Variants in RDH10 observed in about 807,000 individuals in gnomAD.
The protein encoded by RDH10 is retinol dehydrogenase 10 (all-trans).
RDH10 carries 12 observed loss-of-function variants against 30.2 expected under a neutral mutation model. The ratio of observed to expected loss-of-function variants is 0.40; its 90% CI spans 0.25 to 0.64. RDH10 has a LOEUF of 0.64. RDH10 is among the 30% of genes least tolerant of loss of function. The probability of loss-of-function intolerance (pLI) is 0.43; values close to 1 mark genes in which losing one functional copy is unlikely to be tolerated. For synonymous variants in RDH10, 189 were observed against 172.2 expected (o/e 1.10, Z -0.76); for missense variants, 268 against 445.2 (o/e 0.60, Z 3.58).
Position 73,297,442 on chromosome 8 carries a change from A to C in RDH10, c.525+13A>C. 6.4e-7 allele frequency: 1 copy of C among 1,567,106 alleles called. No homozygotes were observed. The highest frequency in any genetic ancestry group is 8.8e-7 in the Non-Finnish European group (1 of 1,137,304). Reference sequence around the variant, plus strand: ...TGCACACTTCTGGGTAAATATAAACATCCTTGTTTTCTTTGCTGGGCCCTC... The same window carrying C: ...TGCACACTTCTGGGTAAATATAAACCTCCTTGTTTTCTTTGCTGGGCCCTC... On this transcript the variant is annotated intron_variant, in intron 2 of 5. Coordinates refer to ENST00000240285, the MANE Select transcript of RDH10 (RefSeq NM_172037.5).
chr8:73,306,734 G>C (rs1814471706), intron 2 of RDH10, among the ~76,000 whole-genome samples: 1 of 152,124 alleles, frequency 6.6e-6, no homozygotes, highest in Non-Finnish European at 1.5e-5. Context: ...GTATTTTTTG[G>C]TTTGGAAAAA....
chr8:73,298,988 A>G (rs1331807441), intron 2 of RDH10, among the ~76,000 whole-genome samples: 1 of 151,874 alleles, frequency 6.6e-6, no homozygotes, highest in Non-Finnish European at 1.5e-5. Context: ...CTAATTTTGT[A>G]TTTTTAGTAG....
In RDH10 at chr8:73,325,005, A is replaced by AAAGAAG. The variant is rs1409128359; in HGVS notation, c.*1970_*1975dup. On this transcript the variant is annotated 3_prime_UTR_variant, in exon 6 of 6. Coordinates refer to ENST00000240285, the MANE Select transcript of RDH10 (RefSeq NM_172037.5). ...CCTCTTAATTTTCAATCATGGACCT[A>AAAGAAG]AAGAAGTACTCTGAAGGGTCTCAAC... 2.2e-4 allele frequency: 33 copies of AAAGAAG among 152,326 alleles called. No homozygotes were observed. The highest frequency in any genetic ancestry group is 7.9e-4 in the African/African-American group (33 of 41,574). The allele number at this position is 152,326 out of a possible 1,614,324, so 9.4% of individuals were successfully genotyped here.
intron 2 of RDH10, chr8:73,315,750 G>A: frequency 3.7e-6 from 1 of 273,128 alleles, no homozygotes. Context: ...AGGTAACCAA[G>A]TAGCAGGTTC....
chr8:73,322,000 TCTTATGTA>T (rs771656890), intron 4 of RDH10: 11 of 456,260 alleles, frequency 2.4e-5, no homozygotes, highest in South Asian at 1.5e-4. Context: ...TTTGTTTTCC[TCTTATGTA>T]CTTGGGAAGC....
intron 2 of RDH10, among the ~76,000 whole-genome samples, chr8:73,317,916 T>G (rs1814701317): frequency 3.1e-5 from 3 of 96,874 alleles, no homozygotes; most frequent in South Asian, 3.8e-4. Flanking sequence ...CAAAACCCTG[T>G]CCCCCACCCC....
intron 2 of RDH10, among the ~76,000 whole-genome samples, chr8:73,301,700 G>C (rs1156373247): frequency 6.6e-6 from 1 of 152,186 alleles, no homozygotes. Context: ...AAGTTGCAGT[G>C]AGCAGACATG....
intron 3 of RDH10, 27 bp downstream of exon 3, chr8:73,319,221 C>T (rs763192142): frequency 1.1e-5 from 16 of 1,485,990 alleles, no homozygotes; most frequent in African/African-American, 4.2e-5. Flanking sequence ...GCATTTCTTT[C>T]GTTCAATCTG....
At chr8:73,318,404 C>T (rs550870796) in intron 2 of RDH10, among the ~76,000 whole-genome samples, 17 of 152,340 alleles carry the variant, frequency 1.1e-4, no homozygotes, top group African/African-American at 4.1e-4. Context: ...TGGCCAGTCA[C>T]TTGCATCTGT....
intron 2 of RDH10, among the ~76,000 whole-genome samples, chr8:73,308,037 T>C (rs1024899195): frequency 1.3e-5 from 2 of 152,170 alleles, no homozygotes; most frequent in African/African-American, 4.8e-5. Context: ...TCCTTGAGAA[T>C]AGTGTAGTGC....
At chr8:73,319,997 C>T (rs1483658252) in intron 3 of RDH10, among the ~76,000 whole-genome samples, 1 of 152,186 alleles carries the variant, frequency 6.6e-6, no homozygotes, top group African/African-American at 2.4e-5. Context: ...TTAAATAGCA[C>T]CTATATCAAG....
At chr8:73,312,975 TTGCTTTTCTC>T (rs1373706791) in intron 2 of RDH10, 1 of 152,238 alleles carries the variant, frequency 6.6e-6, no homozygotes, top group Non-Finnish European at 1.5e-5. Flanking sequence ...GAAATTAACT[TTGCTTTTCTC>T]TCAGTGCTCA....
chr8:73,320,452 T>G lies in RDH10; in HGVS notation c.625-480T>G, dbSNP rs1814746245. 4.8e-5 allele frequency among the ~76,000 whole-genome samples: 6 copies of G among 124,248 alleles called. No homozygotes were observed. In the South Asian group the frequency reaches 1.6e-3, roughly 32 times the overall value. The allele number at this position is 124,248 out of a possible 152,430, so 81.5% of individuals were successfully genotyped here. On this transcript the variant is annotated intron_variant, in intron 3 of 5. Coordinates refer to ENST00000240285, the MANE Select transcript of RDH10 (RefSeq NM_172037.5). ...GTATCTGGTTTGTGTTTTTTTTTTG[T>G]TTTTGTTTTTGTTTTTGTTTTTGTT... is the stretch of plus-strand genomic sequence containing the variant.
At position 73,295,227 on chromosome 8, in the gene RDH10, T is replaced by G; in HGVS notation, c.-63T>G. ...AAGCGCCCCGGAGCCGGGAGCCCGA[T>G]TGCCGGGCTCGGGGTGGGCGCGGAC... On this transcript the variant is annotated 5_prime_UTR_variant, in exon 1 of 6. Coordinates refer to ENST00000240285, the MANE Select transcript of RDH10 (RefSeq NM_172037.5). The G allele has an allele frequency of 7.2e-7, 1 of 1,389,898 alleles. No individual in the cohort carries two copies. Among genetic ancestry groups the G allele is most frequent in the Non-Finnish European group, 9.5e-7 (1 of 1,053,010 alleles). 86.1% of individuals were successfully genotyped at this position (1,389,898 alleles called of 1,614,324 possible).
At chr8:73,296,916 C>A in intron 1 of RDH10, 1 of 402,758 alleles carries the variant, frequency 2.5e-6, no homozygotes, top group Non-Finnish European at 4.7e-6. Flanking sequence ...CTCCAGCAAG[C>A]TGATCCCATG....
chr8:73,319,373 T>G (rs1293563349), intron 3 of RDH10, among the ~76,000 whole-genome samples, 179 bp downstream of exon 3: 4 of 152,108 alleles, frequency 2.6e-5, no homozygotes, highest in Admixed American at 2.6e-4. Context: ...TGGAATGGAA[T>G]TCTATGTCAG....
In RDH10 at chr8:73,295,372, G is replaced by C. The variant is rs1390959398; in HGVS notation, c.83G>C (p.Arg28Pro). The C allele has an allele frequency of 1.9e-6, 3 of 1,558,150 alleles. No individual in the cohort carries two copies. The highest frequency in any genetic ancestry group is 2.6e-6 in the Non-Finnish European group (3 of 1,152,850). Residue 28 changes from arginine (R) to proline (P), a missense_variant, in exon 1 of 6, where the codon CGG (arginine) becomes CCG (proline). Transcript: ENST00000240285. ...CTGGCCGCGGCGCGCTGGCTGGTGC[G>C]GCCCAAGGAGAAGAGCGTGGCGGGC... ...FVLAAARWLVRPKEKSVAGQV... is the reference protein window; with the variant it reads ...FVLAAARWLVPPKEKSVAGQV...
In RDH10 at chr8:73,295,557, G is replaced by A. The variant is rs1278611059; in HGVS notation, c.268G>A (p.Ala90Thr). 6.5e-7 allele frequency: 1 copy of A among 1,536,036 alleles called. No homozygotes were observed. The highest frequency in any genetic ancestry group is 8.8e-7 in the Non-Finnish European group (1 of 1,142,608). The change falls in exon 1 of 6, where the codon GCC becomes ACC. Residue 90 changes from alanine (A) to threonine (T), a missense_variant. This residue lies in a region of RDH10 where 46 missense variants were observed against 36.7 expected (regional missense o/e 1.25). Coordinates refer to ENST00000240285, the MANE Select transcript of RDH10 (RefSeq NM_172037.5). ...VRHIYRDLEA[A>T]DAAALQAGNG... is the part of the protein sequence containing the mutation. ...CCACATCTACCGCGACCTGGAGGCGGCCGACGCCGCTGCGCTGCAAGGTAA... is the reference window on the plus strand; with the variant it reads ...CCACATCTACCGCGACCTGGAGGCGACCGACGCCGCTGCGCTGCAAGGTAA...
At chr8:73,296,992 T>C (rs1448211014) in intron 1 of RDH10, 5 of 550,522 alleles carry the variant, frequency 9.1e-6, no homozygotes, top group Non-Finnish European at 1.6e-5. Context: ...ATCCAGTAAA[T>C]TGCTGTAATT....
Sources: allele counts gnomAD v4.1 joint callset (sites outside exome capture counted in the v4.1 genomes callset), GRCh38; gene constraint gnomAD v4.1.1; regional missense constraint gnomAD v4.1.1; transcripts MANE v1.5; gene names NCBI Gene and HGNC (gene_info 2026-07-23, HGNC 2026-07-21).